The following INPP5D variants were observed in gnomAD, a reference collection of about 807,000 sequenced individuals.
INPP5D encodes the protein inositol polyphosphate-5-phosphatase D.
Under a neutral mutation model 122.9 loss-of-function variants are expected in INPP5D, and 33 were observed. That is an observed-to-expected ratio of 0.27 (90% CI 0.20 to 0.36). The LOEUF (loss-of-function observed/expected upper bound fraction) is 0.36. Ranked by LOEUF, INPP5D falls within the 10% of genes least tolerant of loss-of-function variation. The probability of loss-of-function intolerance (pLI) is 1.00; values close to 1 mark genes in which losing one functional copy is unlikely to be tolerated. For synonymous variants in INPP5D, 584 were observed against 576.2 expected (o/e 1.01, Z -0.19); for missense variants, 1,053 against 1,412.7 (o/e 0.75, Z 4.08).
At chr2:233,149,746 G>A (rs796967124) in intron 9 of INPP5D, among the ~76,000 whole-genome samples, 1 of 152,170 alleles carries the variant, frequency 6.6e-6, no homozygotes, top group Non-Finnish European at 1.5e-5. Context: ...TGTGACTTGG[G>A]TCTGGTGCCT....
At chr2:233,121,539 A>ATTTTATTTTATTTTT (rs1553576538) in intron 2 of INPP5D, among the ~76,000 whole-genome samples, 1 of 151,528 alleles carries the variant, frequency 6.6e-6, no homozygotes. Flanking sequence ...ATTTTATTTT[A>ATTTTATTTTATTTTT]TTTCGAGACT....
intron 2 of INPP5D, among the ~76,000 whole-genome samples, chr2:233,099,219 G>A (rs1692235488): frequency 6.6e-6 from 1 of 152,158 alleles, no homozygotes; most frequent in Admixed American, 6.5e-5. Flanking sequence ...CCAAAGTGCT[G>A]GGATCACACG....
intron 4 of INPP5D, among the ~76,000 whole-genome samples, chr2:233,127,863 C>A (rs1181879357): frequency 6.6e-6 from 1 of 152,246 alleles, no homozygotes; most frequent in African/African-American, 2.4e-5. Context: ...CCGCCTCGAC[C>A]TCCCAAAGTG....
At chr2:233,109,175 A>C (rs1053230881) in intron 2 of INPP5D, among the ~76,000 whole-genome samples, 2 of 152,196 alleles carry the variant, frequency 1.3e-5, no homozygotes, top group Non-Finnish European at 2.9e-5. Flanking sequence ...TAGCTTTGCC[A>C]TGCCAATGCA....
At chr2:233,124,903 C>A (rs991927364) in intron 3 of INPP5D, among the ~76,000 whole-genome samples, 22 of 152,376 alleles carry the variant, frequency 1.4e-4, no homozygotes, top group African/African-American at 5.0e-4. Context: ...GGGCCCAGGG[C>A]CTCTTGAGGC....
At chr2:233,076,669 T>C (rs755135326) in intron 1 of INPP5D, among the ~76,000 whole-genome samples, 3 of 152,172 alleles carry the variant, frequency 2.0e-5, no homozygotes, top group Non-Finnish European at 4.4e-5. Context: ...TATCAGAGTC[T>C]TATTCATAAC....
chr2:233,082,887 C>T lies in INPP5D; in HGVS notation c.198+3489C>T, dbSNP rs1276456418. Among the ~76,000 whole-genome samples, 1 of 152,252 alleles carries T rather than the reference C, an allele frequency of 6.6e-6. No individual in the cohort carries two copies. Among genetic ancestry groups the T allele is most frequent in the African/African-American group, 2.4e-5 (1 of 41,470 alleles). On this transcript the variant is annotated intron_variant, in intron 2 of 26. Coordinates refer to ENST00000445964, the MANE Select transcript of INPP5D (RefSeq NM_001017915.3). The surrounding 1 kb of genome is among the most constrained non-coding windows in gnomAD (Gnocchi z 4.7). ...CGGCTAAGCTTTCTTCCTTCCAATC[C>T]AGAAGGTGTTTCCAAGCCTGTCTGG...
chr2:233,092,739 C>T (rs1390307547), intron 2 of INPP5D, among the ~76,000 whole-genome samples: 2 of 152,178 alleles, frequency 1.3e-5, no homozygotes, highest in African/African-American at 4.8e-5. Context: ...GTGGAGGAGG[C>T]CTTGGATGCT....
At chr2:233,154,156 TG>T (rs1169682349) in intron 9 of INPP5D, among the ~76,000 whole-genome samples, 3 of 108,538 alleles carry the variant, frequency 2.8e-5, no homozygotes, top group Admixed American at 9.6e-5. Context: ...AAATTCTTTT[TG>T]TTTTTTTTGA....
Position 233,204,693 on chromosome 2 carries a change from G to A in INPP5D, c.3543G>A (p.Gly1181=). Residue 1181 remains glycine, a synonymous_variant, in exon 26 of 27, where the codon GGG becomes GGA. Transcript: ENST00000445964. ...ACCGGCCGGAGGAGGGGCCACCAGGGCCTCTAGGCAGGACTGCCATGCAGG... is the reference window on the plus strand; with the variant it reads ...ACCGGCCGGAGGAGGGGCCACCAGGACCTCTAGGCAGGACTGCCATGCAGG... ...GKHRPEEGPP[G]PLGRTAMQ 6.4e-7 allele frequency: 1 copy of A among 1,551,206 alleles called. No individual in the cohort carries two copies. Among genetic ancestry groups the A allele is most frequent in the Non-Finnish European group, 8.7e-7 (1 of 1,151,320 alleles).
chr2:233,121,999 T>A (rs1692995733), intron 2 of INPP5D, 108 bp from the exon 3 acceptor site: 2 of 1,282,384 alleles, frequency 1.6e-6, no homozygotes, highest in South Asian at 2.7e-5. Context: ...TTTTCCTGGA[T>A]CGCAGTCACT....
At chr2:233,200,426 C>A (rs1420873563) in intron 25 of INPP5D, among the ~76,000 whole-genome samples, 1 of 152,228 alleles carries the variant, frequency 6.6e-6, no homozygotes, top group Non-Finnish European at 1.5e-5. Context: ...CTTATCATAA[C>A]CTCAGGGGTT....
At chr2:233,181,651 G>A (rs1356573153) in intron 18 of INPP5D, among the ~76,000 whole-genome samples, 1 of 152,092 alleles carries the variant, frequency 6.6e-6, no homozygotes, top group Non-Finnish European at 1.5e-5. Flanking sequence ...CGAGCACCAA[G>A]CTCCTTAACA....
chr2:233,195,490 T>C lies in INPP5D; in HGVS notation c.2688T>C (p.Thr896=), dbSNP rs2106324244. ...ACCCCATGAAGCAGTGGGAAGTCAC[T>C]AGCAGGTAAAGTGGGCGTGGGGTGG... ...SHDPMKQWEV[T]SRAPPCSGSS... The change falls in exon 24 of 27, where the codon ACT becomes ACC. Residue 896 remains threonine (T), a synonymous_variant. Transcript: ENST00000445964. The C allele has an allele frequency of 6.2e-7, 1 of 1,613,566 alleles. No individual in the cohort carries two copies.
intron 18 of INPP5D, 32 bp from the exon 19 acceptor site, chr2:233,182,378 C>T (rs756164924): frequency 2.5e-6 from 4 of 1,612,398 alleles, no homozygotes; most frequent in Non-Finnish European, 3.4e-6. Context: ...GCTTCTCCTT[C>T]CCTGCTTAAA....
chr2:233,104,178 T>C (rs1040853012), intron 2 of INPP5D, among the ~76,000 whole-genome samples: 1 of 151,478 alleles, frequency 6.6e-6, no homozygotes, highest in African/African-American at 2.4e-5. Flanking sequence ...ACCTGGCTAA[T>C]TTTTGTATTT....
chr2:233,170,185 G>A lies in INPP5D; in HGVS notation c.1791+21G>A, dbSNP rs372633264. 2.3e-4 allele frequency: 376 copies of A among 1,607,508 alleles called. 1 individual carries two copies. Among genetic ancestry groups the A allele is most frequent in the Non-Finnish European group, 3.1e-4 (360 of 1,176,650 alleles). ...CCTGGGTAAGGGCTGCCCGCCTGGG[G>A]CTGGGGCTGGGGCTGTATGAGATGG... On this transcript the variant is annotated intron_variant, in intron 15 of 26. Coordinates refer to ENST00000445964, the MANE Select transcript of INPP5D (RefSeq NM_001017915.3). The surrounding 1 kb of genome is among the most constrained non-coding windows in gnomAD (Gnocchi z 4.5).
Position 233,170,658 on chromosome 2 carries a change from C to T in INPP5D, c.1900+54C>T, listed in dbSNP as rs1424048041. The T allele has an allele frequency of 6.9e-6, 11 of 1,595,554 alleles. No individual in the cohort carries two copies. Among genetic ancestry groups the T allele is most frequent in the Non-Finnish European group, 7.7e-6 (9 of 1,168,596 alleles). On this transcript the variant is annotated intron_variant, in intron 16 of 26. Coordinates refer to ENST00000445964, the MANE Select transcript of INPP5D (RefSeq NM_001017915.3). This position sits in a 1 kb window ranked among gnomAD's most constrained non-coding sequence, Gnocchi z 4.5. Reference sequence around the variant, plus strand: ...GTGGCTCACACCTGTAATCCCAGCACTTTAGGAGGCCGAGGCGGGCGGATC... The same window carrying T: ...GTGGCTCACACCTGTAATCCCAGCATTTTAGGAGGCCGAGGCGGGCGGATC...
intron 2 of INPP5D, among the ~76,000 whole-genome samples, chr2:233,116,254 T>TAGATAGATAGGTAGATAGATAGATAG (rs10682867): frequency 5.2e-5 from 5 of 96,054 alleles, no homozygotes; most frequent in African/African-American, 3.3e-4. Context: ...GATAGATAGA[T>TAGATAGATAGGTAGATAGATAGATAG]ATAGATATAG....
Sources: allele counts gnomAD v4.1 joint callset (sites outside exome capture counted in the v4.1 genomes callset), GRCh38; gene constraint gnomAD v4.1.1; non-coding constraint Gnocchi (gnomAD v3.1); transcripts MANE v1.5; gene names NCBI Gene and HGNC (gene_info 2026-07-23, HGNC 2026-07-21).